The following MCTP2 variants were observed in gnomAD, a reference collection of about 807,000 sequenced individuals.
The protein encoded by MCTP2 is multiple C2 and transmembrane domain containing 2.
MCTP2 carries 132 observed loss-of-function variants against 111.6 expected under a neutral mutation model. The observed-to-expected ratio is 1.18, with a 90% CI of 1.03 to 1.37. MCTP2 has a LOEUF of 1.37. MCTP2 is among the 40% of genes most tolerant of loss of function. MCTP2 has a pLI of 0.00. For synonymous variants in MCTP2, 395 were observed against 387.7 expected (o/e 1.02, Z -0.22); for missense variants, 1,183 against 1,067.9 (o/e 1.11, Z -1.50).
chr15:94,308,117 G>A (rs1165117783), intron 2 of MCTP2, among the ~76,000 whole-genome samples: 1 of 152,286 alleles, frequency 6.6e-6, no homozygotes, highest in African/African-American at 2.4e-5. Context: ...CACAGTGTCT[G>A]TCTGAGAAAA....
At chr15:94,288,337 A>C (rs985834592) in intron 1 of MCTP2, among the ~76,000 whole-genome samples, 1 of 152,192 alleles carries the variant, frequency 6.6e-6, no homozygotes, top group Non-Finnish European at 1.5e-5. Flanking sequence ...ACTCATCCAT[A>C]GCCTGAACAT....
At chr15:94,444,514 A>T (rs1030388971) in intron 19 of MCTP2, among the ~76,000 whole-genome samples, 3 of 152,178 alleles carry the variant, frequency 2.0e-5, no homozygotes, top group African/African-American at 7.2e-5. Flanking sequence ...CCATCATCAG[A>T]GGCTTTCCAA....
intron 1 of MCTP2, among the ~76,000 whole-genome samples, chr15:94,265,415 G>A (rs529400818): frequency 6.6e-6 from 1 of 152,256 alleles, no homozygotes; most frequent in South Asian, 2.1e-4. Context: ...TAAAGCCAAG[G>A]TCTCCATGCT....
At chr15:94,265,041 G>A (rs193296937) in intron 1 of MCTP2, among the ~76,000 whole-genome samples, 26 of 152,124 alleles carry the variant, frequency 1.7e-4, no homozygotes, top group Non-Finnish European at 1.6e-4. Context: ...TTTGATGTGC[G>A]TATGCCTGTT....
intron 7 of MCTP2, chr15:94,341,431 G>T (rs1391625527): frequency 6.6e-6 from 1 of 152,440 alleles, no homozygotes; most frequent in East Asian, 1.9e-4. Flanking sequence ...ATAATTCTAA[G>T]GCTATATTAG....
In MCTP2 at chr15:94,435,444, T is replaced by A. The variant is rs188144507; in HGVS notation, c.2086-4732T>A. ...ACTATAAATGGAAATTAAAAATTTT[T>A]ATTTTTTAATGTTTTGCTGCTAGTA... is the stretch of plus-strand genomic sequence containing the variant. On this transcript the variant is annotated intron_variant, in intron 17 of 22. Coordinates refer to ENST00000357742, the MANE Select transcript of MCTP2 (RefSeq NM_001385001.1). Among the ~76,000 whole-genome samples the A allele has an allele frequency of 4.6e-3, 707 of 152,166 alleles. 3 individuals are homozygous for A. Among genetic ancestry groups the A allele is most frequent in the Admixed American group, 5.6e-3 (85 of 15,292 alleles).
intron 14 of MCTP2, among the ~76,000 whole-genome samples, chr15:94,394,277 CCTT>C (rs1438379933): frequency 6.6e-6 from 1 of 151,860 alleles, no homozygotes; most frequent in Non-Finnish European, 1.5e-5. Context: ...AGATAAGTAT[CCTT>C]CTGCTTGTAT....
intron 14 of MCTP2, among the ~76,000 whole-genome samples, chr15:94,391,565 T>C (rs1026917554): frequency 6.6e-6 from 1 of 152,186 alleles, no homozygotes; most frequent in African/African-American, 2.4e-5. Context: ...AATTATTTGA[T>C]AAACACAAAA....
chr15:94,430,933 A>G (rs900426380), intron 17 of MCTP2, among the ~76,000 whole-genome samples: 3 of 152,062 alleles, frequency 2.0e-5, no homozygotes, highest in Non-Finnish European at 4.4e-5. Context: ...CCTCACATGT[A>G]ATTGCAAACC....
Position 94,298,475 on chromosome 15 carries a change from G to A in MCTP2, c.210G>A (p.Gly70=), listed in dbSNP as rs756383264. The change falls in exon 2 of 23, where the codon GGG becomes GGA. Residue 70 remains glycine (G), a synonymous_variant. Transcript: ENST00000357742. The part of the protein sequence containing the change: ...ALAPEGRPYS[G]PQSSYTSVPS... ...CCCCAGAGGGCCGGCCTTACTCCGG[G>A]CCACAGTCTTCCTACACCTCGGTGC... 1.2e-5 allele frequency: 19 copies of A among 1,613,952 alleles called. No individual in the cohort carries two copies. The African/African-American group carries it at 1.9e-4, about 16-fold the overall frequency.
intron 18 of MCTP2, among the ~76,000 whole-genome samples, chr15:94,441,921 T>C (rs768427798): frequency 3.3e-5 from 5 of 152,216 alleles, no homozygotes; most frequent in Admixed American, 1.3e-4. Flanking sequence ...CACAAACTGC[T>C]AGCTGAATCT....
At chr15:94,245,572 A>G (rs2071892155) in intron 1 of MCTP2, among the ~76,000 whole-genome samples, 2 of 144,624 alleles carry the variant, frequency 1.4e-5, no homozygotes, top group Admixed American at 7.0e-5. Context: ...ATATATGTAT[A>G]TATACGTATA....
intron 20 of MCTP2, among the ~76,000 whole-genome samples, chr15:94,467,889 AAATGTAGAAATTCAG>A (rs1378363349): frequency 1.8e-5 from 2 of 110,950 alleles, no homozygotes; most frequent in Non-Finnish European, 4.7e-5. Flanking sequence ...TAGAAATTCA[AAATGTAGAAATTCAG>A]AATAACAAAG....
intron 14 of MCTP2, among the ~76,000 whole-genome samples, chr15:94,394,029 A>G (rs1330931192): frequency 1.4e-5 from 2 of 147,210 alleles, no homozygotes; most frequent in African/African-American, 2.6e-5. Flanking sequence ...CAGCCTGGGC[A>G]ATAGAGCAGA....
At chr15:94,390,077 T>C (rs1199524947) in intron 14 of MCTP2, among the ~76,000 whole-genome samples, 211 of 11,862 alleles carry the variant, frequency 0.018, 6 homozygotes, top group East Asian at 0.11. Context: ...TATATATATA[T>C]ATATATATAT....
intron 10 of MCTP2, 58 bp from the exon 11 acceptor site, chr15:94,367,547 A>C: frequency 2.3e-6 from 3 of 1,328,594 alleles, no homozygotes; most frequent in South Asian, 1.3e-5. Flanking sequence ...CTTTGGAGGT[A>C]CTGCAGTGGC....
chr15:94,374,133 T>C (rs543309059), intron 12 of MCTP2, among the ~76,000 whole-genome samples: 115 of 152,244 alleles, frequency 7.6e-4, no homozygotes, highest in African/African-American at 1.4e-3. Flanking sequence ...AGACAGAAAA[T>C]TGTGGTATAT....
chr15:94,241,431 A>T (rs1168036327), intron 1 of MCTP2, among the ~76,000 whole-genome samples: 1 of 152,106 alleles, frequency 6.6e-6, no homozygotes, highest in African/African-American at 2.4e-5. Context: ...TGTTTGTGCA[A>T]TTTTGGTCGT....
intron 2 of MCTP2, 24 bp from the exon 3 acceptor site, chr15:94,314,258 A>AT (rs760055001): frequency 6.0e-4 from 940 of 1,558,930 alleles, no homozygotes; most frequent in East Asian, 1.5e-3. Context: ...TGTAAAGCAG[A>AT]TTTTTTTTTC....
Sources: allele counts gnomAD v4.1 joint callset (sites outside exome capture counted in the v4.1 genomes callset), GRCh38; gene constraint gnomAD v4.1.1; transcripts MANE v1.5; gene names NCBI Gene and HGNC (gene_info 2026-07-23, HGNC 2026-07-21).